PTPRT: variants seen among roughly 807,000 people sequenced by gnomAD.
PTPRT encodes receptor-type tyrosine-protein phosphatase T.
PTPRT carries 56 observed loss-of-function variants against 176.8 expected under a neutral mutation model. The ratio of observed to expected loss-of-function variants is 0.32; its 90% CI spans 0.26 to 0.40. The LOEUF (loss-of-function observed/expected upper bound fraction) is 0.40. Among genes scored for constraint, PTPRT ranks in the 10% least tolerant of loss-of-function variants. The probability of loss-of-function intolerance (pLI) is 1.00; values close to 1 mark genes in which losing one functional copy is unlikely to be tolerated. For missense variants in PTPRT, 1,540 were observed against 1,908.2 expected, an observed-to-expected ratio of 0.81 and a Z score of 3.60; for synonymous variants, 783 against 739.0, an observed-to-expected ratio of 1.06 and a Z score of -0.96.
chr20:42,314,422 G>A (rs6072682), intron 12 of PTPRT, among the ~76,000 whole-genome samples: 6 of 151,496 alleles, frequency 4.0e-5, no homozygotes, highest in Admixed American at 6.6e-5. Flanking sequence ...CCAGCTACTC[G>A]GGAGGCTGAG....
At chr20:42,275,472 C>G (rs1483548886) in intron 13 of PTPRT, among the ~76,000 whole-genome samples, 3 of 152,106 alleles carry the variant, frequency 2.0e-5, no homozygotes, top group Non-Finnish European at 4.4e-5. Context: ...GATTGGAACT[C>G]CCAAGGTACA....
chr20:42,415,485 T>A (rs986199542), intron 9 of PTPRT, among the ~76,000 whole-genome samples: 3 of 152,162 alleles, frequency 2.0e-5, no homozygotes, highest in Non-Finnish European at 4.4e-5. Flanking sequence ...GTGCTGGGAT[T>A]ATAGGTGTGA....
At chr20:42,779,338 T>A (rs767134326) in intron 4 of PTPRT, among the ~76,000 whole-genome samples, 8 of 152,158 alleles carry the variant, frequency 5.3e-5, no homozygotes, top group African/African-American at 1.9e-4. Flanking sequence ...CATGCCCATA[T>A]GGGAGGAGTG....
chr20:42,623,979 C>G (rs1203292991), intron 7 of PTPRT, among the ~76,000 whole-genome samples: 1 of 127,382 alleles, frequency 7.9e-6, no homozygotes, highest in Non-Finnish European at 1.6e-5. Context: ...CCTGCCCCAG[C>G]CCCACGAAGG....
chr20:42,867,250 C>T (rs956477876), intron 2 of PTPRT, among the ~76,000 whole-genome samples: 12 of 152,160 alleles, frequency 7.9e-5, no homozygotes, highest in Admixed American at 2.0e-4. Context: ...ATTTTAGAGA[C>T]GAGCATGAGG....
At chr20:42,385,454 G>C (rs2058735888) in intron 9 of PTPRT, among the ~76,000 whole-genome samples, 1 of 152,194 alleles carries the variant, frequency 6.6e-6, no homozygotes, top group Non-Finnish European at 1.5e-5. Flanking sequence ...GTGCTGGGTA[G>C]AGGGAGGACA....
intron 9 of PTPRT, among the ~76,000 whole-genome samples, chr20:42,425,839 G>C (rs1036899560): frequency 2.6e-5 from 4 of 152,194 alleles, no homozygotes; most frequent in Admixed American, 6.5e-5. Flanking sequence ...CAGTGGATGA[G>C]AGAGGGAGGC....
chr20:42,064,279 A>G, the PTPRT span, among the ~76,000 whole-genome samples: 2 of 152,168 alleles, frequency 1.3e-5, no homozygotes, highest in East Asian at 1.9e-4. Flanking sequence ...GTTACTTACT[A>G]AAAGACTCAT....
chr20:42,428,876 GC>G (rs1490181818), intron 9 of PTPRT, among the ~76,000 whole-genome samples: 1 of 152,060 alleles, frequency 6.6e-6, no homozygotes, highest in African/African-American at 2.4e-5. Context: ...CCAAGCCAAG[GC>G]TAGATCCAGA....
At chr20:42,518,939 C>T (rs2072119264) in intron 7 of PTPRT, among the ~76,000 whole-genome samples, 1 of 152,022 alleles carries the variant, frequency 6.6e-6, no homozygotes, top group African/African-American at 2.4e-5. Context: ...TGTAGATGTA[C>T]ATGCTGTTGT....
intron 7 of PTPRT, among the ~76,000 whole-genome samples, chr20:42,494,475 A>G (rs978733946): frequency 6.6e-6 from 1 of 152,260 alleles, no homozygotes; most frequent in East Asian, 1.9e-4. Flanking sequence ...AACCTCTCAG[A>G]TATCAATGAC....
chr20:43,101,344 A>G (rs2012385343), intron 1 of PTPRT, among the ~76,000 whole-genome samples: 1 of 152,142 alleles, frequency 6.6e-6, no homozygotes, highest in Non-Finnish European at 1.5e-5. Flanking sequence ...GGGAATCAGC[A>G]TAGTATTATG....
intron 1 of PTPRT, among the ~76,000 whole-genome samples, chr20:43,086,940 C>A (rs74528357): frequency 6.6e-6 from 1 of 152,140 alleles, no homozygotes. Context: ...AAAATTCACC[C>A]TTTATAGATG....
intron 13 of PTPRT, among the ~76,000 whole-genome samples, chr20:42,257,072 G>A (rs982226207): frequency 6.6e-6 from 1 of 152,216 alleles, no homozygotes; most frequent in African/African-American, 2.4e-5. Context: ...TAGGGCAACA[G>A]TAAAGGATGG....
chr20:42,269,443 A>C (rs1417821204), intron 13 of PTPRT, among the ~76,000 whole-genome samples: 1 of 152,164 alleles, frequency 6.6e-6, no homozygotes. Flanking sequence ...GTGACAGTTA[A>C]AGGTTTGAAA....
At chr20:42,173,356 A>C (rs1248886597) in intron 16 of PTPRT, among the ~76,000 whole-genome samples, 1 of 152,148 alleles carries the variant, frequency 6.6e-6, no homozygotes, top group Non-Finnish European at 1.5e-5. Context: ...TATCCTGGCA[A>C]GCATGTGAGT....
At chr20:42,178,765 G>A (rs112694313) in intron 16 of PTPRT, among the ~76,000 whole-genome samples, 3 of 152,260 alleles carry the variant, frequency 2.0e-5, no homozygotes, top group African/African-American at 7.2e-5. Context: ...CATAATCACT[G>A]ACATGATACT....
intron 9 of PTPRT, among the ~76,000 whole-genome samples, chr20:42,397,944 G>A (rs893404868): frequency 3.9e-5 from 6 of 152,060 alleles, no homozygotes; most frequent in Non-Finnish European, 8.8e-5. Flanking sequence ...ATTTTCTTGG[G>A]CAATTTCTTA....
In PTPRT at chr20:42,565,074, G is replaced by A. The variant is rs1369835230; in HGVS notation, c.1154-92512C>T. Among the ~76,000 whole-genome samples, 3 of 152,080 alleles carry A rather than the reference G, an allele frequency of 2.0e-5. No individual in the cohort carries two copies. The East Asian group carries it at 5.8e-4, about 30-fold the overall frequency. ...GCAATTAGTGCCCTGGTGTTCTGGC[G>A]CCCCGGGTCCTTCGTGTTAGAGCTG... On this transcript the variant is annotated intron_variant, in intron 7 of 30. Coordinates refer to ENST00000373187, the MANE Select transcript of PTPRT (RefSeq NM_007050.6).
Sources: allele counts gnomAD v4.1 joint callset (sites outside exome capture counted in the v4.1 genomes callset), GRCh38; gene constraint gnomAD v4.1.1; transcripts MANE v1.5; gene names NCBI Gene and HGNC (gene_info 2026-07-23, HGNC 2026-07-21).